The following CD8B2 variants were observed in gnomAD, a reference collection of about 807,000 sequenced individuals.
CD8B2 encodes CD8B family member 2.
A neutral mutation model predicts 23.7 loss-of-function variants in CD8B2; 11 were observed. That is an observed-to-expected ratio of 0.46 (90% confidence interval 0.29 to 0.77). CD8B2 has a LOEUF of 0.77. Among genes scored for constraint, CD8B2 ranks in the 30% least tolerant of loss-of-function variants. The pLI is 0.09. For synonymous variants in CD8B2, 90 were observed against 109.3 expected, an observed-to-expected ratio of 0.82 and a Z score of 1.10; for missense variants, 197 against 270.5, an observed-to-expected ratio of 0.73 and a Z score of 1.91.
At chr2:106,528,480 G>T (rs1261987963) in intron 5 of CD8B2, among the ~76,000 whole-genome samples, 1 of 151,950 alleles carries the variant, frequency 6.6e-6, no homozygotes, top group Non-Finnish European at 1.5e-5. Context: ...TTTTGTATGT[G>T]GTTATTCAGT....
intron 5 of CD8B2, among the ~76,000 whole-genome samples, chr2:106,517,396 G>C (rs1208145066): frequency 3.3e-5 from 5 of 152,036 alleles, no homozygotes; most frequent in African/African-American, 1.2e-4. Context: ...CTTAGGCCCT[G>C]CTGACATTTT....
chr2:106,502,294 CAAAAAAAAAA>C (rs547491786), intron 3 of CD8B2, among the ~76,000 whole-genome samples, 170 bp from the exon 4 acceptor site: 1 of 69,526 alleles, frequency 1.4e-5, no homozygotes, highest in African/African-American at 6.3e-5. Flanking sequence ...GACTCTGTCT[CAAAAAAAAAA>C]AAAAAAAAAA....
intron 5 of CD8B2, among the ~76,000 whole-genome samples, chr2:106,533,130 C>T (rs557813985): frequency 3.3e-5 from 5 of 152,178 alleles, no homozygotes; most frequent in Middle Eastern, 6.8e-3. Flanking sequence ...TGCTGGGGGT[C>T]GAGGCAACAC....
chr2:106,495,262 TG>T (rs1296284189), intron 2 of CD8B2, among the ~76,000 whole-genome samples: 7 of 151,080 alleles, frequency 4.6e-5, no homozygotes, highest in African/African-American at 1.7e-4. Context: ...CCGGGTGCGG[TG>T]GCTCGTACCT....
intron 5 of CD8B2, among the ~76,000 whole-genome samples, chr2:106,537,814 C>G (rs539284743): frequency 6.6e-6 from 1 of 152,106 alleles, no homozygotes; most frequent in African/African-American, 2.4e-5. Context: ...AAAGTTAGCA[C>G]GAAGGAAAAA....
intron 1 of CD8B2, among the ~76,000 whole-genome samples, 151 bp downstream of exon 1, chr2:106,487,620 T>C (rs1178154587): frequency 6.6e-6 from 1 of 151,924 alleles, no homozygotes; most frequent in African/African-American, 2.4e-5. Context: ...GCAGGCAGGG[T>C]CCCTAAGGGT....
chr2:106,512,527 C>T (rs182883571), downstream of CD8B2, among the ~76,000 whole-genome samples: 76 of 152,150 alleles, frequency 5.0e-4, no homozygotes, highest in African/African-American at 1.6e-3. Context: ...TGCAGTGGGG[C>T]CATCATGGCT....
At chr2:106,492,428 T>G (rs1437734506) in intron 2 of CD8B2, among the ~76,000 whole-genome samples, 2 of 152,058 alleles carry the variant, frequency 1.3e-5, no homozygotes, top group African/African-American at 2.4e-5. Context: ...AAAGTATTGC[T>G]GAAATATTTT....
chr2:106,528,911 G>A (rs1165959059), intron 5 of CD8B2, among the ~76,000 whole-genome samples: 4 of 152,232 alleles, frequency 2.6e-5, no homozygotes, highest in East Asian at 1.9e-4. Flanking sequence ...GAGACAGTAC[G>A]ATCCTGAAAC....
In CD8B2 at chr2:106,502,497, C is replaced by T. The variant is rs1679429861; in HGVS notation, c.517C>T (p.Leu173Phe). 6.3e-7 allele frequency: 1 copy of T among 1,581,660 alleles called. No individual in the cohort carries two copies. Among genetic ancestry groups the T allele is most frequent in the Non-Finnish European group, 8.6e-7 (1 of 1,162,480 alleles). The change falls in exon 4 of 6, where the codon CTT (leucine) becomes TTT (phenylalanine). Residue 173 changes from leucine (L) to phenylalanine (F), a missense_variant. Physicochemically the swap from Leu to Phe is conservative, Grantham distance 22. Coordinates refer to ENST00000643224, the MANE Select transcript of CD8B2 (RefSeq NM_001349727.2). Reference sequence around the variant, plus strand: ...AGGCCCACTTTGTAGCCCCGTCACCCTTGGCCTGCTGGTGGCTGGCGTCCT... The same window carrying T: ...AGGCCCACTTTGTAGCCCCGTCACCTTTGGCCTGCTGGTGGCTGGCGTCCT... ...QKGPLCSPVT[L>F]GLLVAGVLVL...
At position 106,526,551 on chromosome 2, in the gene CD8B2, CATA is replaced by C. The variant is rs571063408; in HGVS notation, c.621-17438_621-17436del. On this transcript the variant is annotated intron_variant, in intron 5 of 5. Transcript: ENST00000416057. Reference sequence around the variant, plus strand: ...TCAGTGACTGGCTTCTTTCACTTAGCATAATGTTTTCAAGTTGTATACACGTTG... The same window carrying C: ...TCAGTGACTGGCTTCTTTCACTTAGCATGTTTTCAAGTTGTATACACGTTG... 1.2e-4 allele frequency among the ~76,000 whole-genome samples: 19 copies of C among 152,342 alleles called. 1 individual carries two copies. The South Asian group carries it at 3.5e-3, about 28-fold the overall frequency.
In CD8B2 at chr2:106,533,836, A is replaced by T. The variant is rs141921691; in HGVS notation, c.621-10156A>T. 1.1e-3 allele frequency among the ~76,000 whole-genome samples: 173 copies of T among 152,320 alleles called. 2 individuals carry two copies. In the East Asian group the frequency reaches 0.033, roughly 29 times the overall value. The stretch of plus-strand genomic sequence containing the variant: ...GTAGGAGGGAGAAGGGATGTTCCCC[A>T]AAGGAAAGGCTTCTCAGGGAAGCAG... On this transcript the variant is annotated intron_variant, in intron 5 of 5. Transcript: ENST00000416057.
chr2:106,527,481 A>T (rs765316177), intron 5 of CD8B2, among the ~76,000 whole-genome samples: 1 of 152,082 alleles, frequency 6.6e-6, no homozygotes, highest in Non-Finnish European at 1.5e-5. Flanking sequence ...CCCTATTCCG[A>T]GCCAATAAAA....
At chr2:106,524,745 G>A (rs536263027) in intron 5 of CD8B2, among the ~76,000 whole-genome samples, 60 of 152,234 alleles carry the variant, frequency 3.9e-4, no homozygotes, top group Middle Eastern at 3.4e-3. Context: ...TGGAATTTCC[G>A]GCTGCTGCGC....
At chr2:106,519,967 C>A (rs1679797494) in intron 5 of CD8B2, among the ~76,000 whole-genome samples, 2 of 152,104 alleles carry the variant, frequency 1.3e-5, no homozygotes, top group South Asian at 2.1e-4. Flanking sequence ...AGCAAGTTAG[C>A]CAGCGGGGAC....
intron 5 of CD8B2, among the ~76,000 whole-genome samples, chr2:106,532,443 A>G (rs1452126539): frequency 6.6e-6 from 1 of 152,218 alleles, no homozygotes; most frequent in African/African-American, 2.4e-5. Context: ...GATCTTGCTC[A>G]AGAAAGAATT....
downstream of CD8B2, among the ~76,000 whole-genome samples, chr2:106,515,708 A>C (rs1432327814): frequency 6.6e-6 from 1 of 152,186 alleles, no homozygotes; most frequent in African/African-American, 2.4e-5. Context: ...TCTCTCAGGA[A>C]TCTTTCTACA....
chr2:106,520,613 C>T (rs555355531), intron 5 of CD8B2, among the ~76,000 whole-genome samples: 8 of 152,190 alleles, frequency 5.3e-5, no homozygotes, highest in South Asian at 4.2e-4. Flanking sequence ...AGGATTAGGC[C>T]GGGCATGGTG....
Position 106,505,859 on chromosome 2 carries a change from G to A in CD8B2, c.621-1069G>A, listed in dbSNP as rs187805701. ...GAAAGTTCCATTCAAGGCCGGGTGC[G>A]GTGGCTCAAGCCTGTAATCCCAGCA... On this transcript the variant is annotated intron_variant, in intron 5 of 5. Transcript: ENST00000643224. Among the ~76,000 whole-genome samples, 3 of 152,274 alleles carry A rather than the reference G, an allele frequency of 2.0e-5. No homozygotes were observed. In the East Asian group the frequency reaches 5.8e-4, roughly 29 times the overall value.
Sources: allele counts gnomAD v4.1 joint callset (sites outside exome capture counted in the v4.1 genomes callset), GRCh38; gene constraint gnomAD v4.1.1; transcripts MANE v1.5; gene names NCBI Gene and HGNC (gene_info 2026-07-23, HGNC 2026-07-21).